Variants in RNF213 observed in about 807,000 individuals in gnomAD.
RNF213 encodes the protein E3 ubiquitin-protein ligase RNF213.
Under a neutral mutation model 514.4 loss-of-function variants are expected in RNF213, and 341 were observed. The ratio of observed to expected loss-of-function variants is 0.66; its 90% CI spans 0.61 to 0.73. RNF213 has a LOEUF of 0.73. RNF213 is among the 30% of genes least tolerant of loss of function. RNF213 has a pLI of 0.00. For missense variants in RNF213, 5,767 were observed against 6,615.6 expected (o/e 0.87, Z 4.45); for synonymous variants, 2,655 against 2,658.2 (o/e 1.00, Z 0.04).
chr17:80,332,982 A>G (rs1396645650), intron 21 of RNF213, among the ~76,000 whole-genome samples: 4 of 152,026 alleles, frequency 2.6e-5, no homozygotes, highest in African/African-American at 4.8e-5. Context: ...CGGCTGCCCA[A>G]CTGCATCTCC....
chr17:80,288,081 C>A lies in RNF213; in HGVS notation c.528C>A (p.Ala176=). 11 of 1,609,084 alleles carry A rather than the reference C, an allele frequency of 6.8e-6. No homozygotes were observed. Among genetic ancestry groups the A allele is most frequent in the Non-Finnish European group, 8.5e-6 (10 of 1,176,988 alleles). The change falls in exon 4 of 68, where the codon GCC becomes GCA. Residue 176 remains alanine (A), a synonymous_variant. Coordinates refer to ENST00000582970, the MANE Select transcript of RNF213 (RefSeq NM_001256071.3). The surrounding 1 kb of genome is among the most constrained non-coding windows in gnomAD (Gnocchi z 4.9). ...AGGTTGGCGACAGCCCCCTGCAGGC[C>A]CAGGCTTTGGGAGAGGCAGGAGTGG... ...PTEVGDSPLQ[A]QALGEAGVAT...
At chr17:80,275,199 AGTGGGGTGTGTGT>A (rs1301993626) in intron 3 of RNF213, among the ~76,000 whole-genome samples, 1 of 149,390 alleles carries the variant, frequency 6.7e-6, no homozygotes, top group African/African-American at 2.5e-5. Flanking sequence ...GGTGTGTGGG[AGTGGGGTGTGTGT>A]GTGCTTGTGT....
At chr17:80,319,056 G>T in intron 16 of RNF213, 134 bp from the exon 17 acceptor site, 9 of 1,591,150 alleles carry the variant, frequency 5.7e-6, no homozygotes, top group Non-Finnish European at 6.8e-6. Flanking sequence ...CTTTGCGTGG[G>T]CCAGGAGAAG....
rs2077982839 is a variant in RNF213, at chr17:80,336,161, G to A, written c.4310G>A (p.Gly1437Asp). The change falls in exon 23 of 68, where the codon GGC becomes GAC. Residue 1437 changes from glycine (G) to aspartate (D), a missense_variant and splice_region_variant. By Grantham distance (94) the Gly-to-Asp change is moderately conservative. Transcript: ENST00000582970. ...TGAACTCCCCTCTTCTCTTCCCCAG[G>A]CATCAATGAGCTGAAGGTGTTTGTG... The part of the protein sequence containing the change: ...FICWVREALG[G>D]INELKVFVDL... 1.3e-6 allele frequency: 2 copies of A among 1,536,768 alleles called. No homozygotes were observed. The highest frequency in any genetic ancestry group is 1.4e-5 in the African/African-American group (1 of 73,018).
intron 2 of RNF213, among the ~76,000 whole-genome samples, chr17:80,265,775 G>A (rs1288727384): frequency 6.6e-6 from 1 of 152,320 alleles, no homozygotes; most frequent in African/African-American, 2.4e-5. Flanking sequence ...TGCTGTTAAA[G>A]TGGGGGCACT....
intron 8 of RNF213, among the ~76,000 whole-genome samples, chr17:80,293,940 T>C (rs116639116): frequency 0.015 from 2,232 of 151,850 alleles, 47 homozygotes; most frequent in African/African-American, 0.051. Context: ...GGGCCCAGGG[T>C]GCAGAGCTGG....
In RNF213 at chr17:80,264,817, C is replaced by A. The variant is rs1318990953; in HGVS notation, c.97+1039C>A. On this transcript the variant is annotated intron_variant, in intron 2 of 67. Coordinates refer to ENST00000582970, the MANE Select transcript of RNF213 (RefSeq NM_001256071.3). The surrounding 1 kb of genome is among the most constrained non-coding windows in gnomAD (Gnocchi z 5.0). Reference sequence around the variant, plus strand: ...ACGAGGTCCTACATAGACGGCTGCCCACCCCATTCCTCTTGGCTCCCTCTC... The same window carrying A: ...ACGAGGTCCTACATAGACGGCTGCCAACCCCATTCCTCTTGGCTCCCTCTC... Among the ~76,000 whole-genome samples, 1 of 152,120 alleles carries A rather than the reference C, an allele frequency of 6.6e-6. No individual in the cohort carries two copies. The highest frequency in any genetic ancestry group is 2.4e-5 in the African/African-American group (1 of 41,438).
chr17:80,265,985 C>T (rs1216267476), intron 2 of RNF213, among the ~76,000 whole-genome samples: 2 of 152,078 alleles, frequency 1.3e-5, no homozygotes, highest in East Asian at 1.9e-4. Flanking sequence ...ATGGGAAGCC[C>T]ATGGCCAGGC....
At chr17:80,384,573 A>G (rs973565525) in intron 59 of RNF213, among the ~76,000 whole-genome samples, 2 of 152,192 alleles carry the variant, frequency 1.3e-5, no homozygotes, top group Admixed American at 6.5e-5. Context: ...GTTCACAATG[A>G]CAGGAAGGAC....
In RNF213 at chr17:80,343,769, C is replaced by T; in HGVS notation, c.6184-88C>T. 1 of 1,404,290 alleles carries T rather than the reference C, an allele frequency of 7.1e-7. No individual in the cohort carries two copies. Among genetic ancestry groups the T allele is most frequent in the Non-Finnish European group, 1.0e-6 (1 of 990,870 alleles). The allele number at this position is 1,404,290 out of a possible 1,614,324, so 87.0% of individuals were successfully genotyped here. A position where few individuals can be genotyped will look rare whatever the true frequency, so the allele number is the denominator to read the frequency against. On this transcript the variant is annotated intron_variant, in intron 27 of 67. Transcript: ENST00000582970. The surrounding 1 kb of genome is among the most constrained non-coding windows in gnomAD (Gnocchi z 4.3). ...ATGTTGATCATCAGGATCATCGTGACAAAGAGCAAAATAAGGAGGGGTTAC... is the reference window on the plus strand; with the variant it reads ...ATGTTGATCATCAGGATCATCGTGATAAAGAGCAAAATAAGGAGGGGTTAC...
chr17:80,339,673 T>TTG lies in RNF213; in HGVS notation c.5306_5307insTG (p.Leu1769PhefsTer11). 1.3e-6 allele frequency: 2 copies of TTG among 1,537,166 alleles called. No homozygotes were observed. Among genetic ancestry groups the TTG allele is most frequent in the Non-Finnish European group, 8.7e-7 (1 of 1,146,872 alleles). On this transcript the variant is annotated frameshift_variant, in exon 26 of 68. Transcript: ENST00000582970. LOFTEE classifies it high-confidence loss of function. ...ATGGAAGAGCTCCCGCTGATGCTCT[T>TTG]ATCAGAGTTCAGCCTGGTGGACAAG... is the stretch of plus-strand genomic sequence containing the variant.
chr17:80,381,828 C>A (rs2080018507), intron 57 of RNF213, 101 bp downstream of exon 57: 2 of 1,102,638 alleles, frequency 1.8e-6, no homozygotes, highest in South Asian at 1.3e-5. Flanking sequence ...CCAGTCTGAG[C>A]TCTGTCTGTG....
At chr17:80,352,120 T>C (rs572977296) in intron 32 of RNF213, 29 of 282,660 alleles carry the variant, frequency 1.0e-4, no homozygotes, top group African/African-American at 2.7e-4. Flanking sequence ...CCCAAAGTGC[T>C]GGGATTACAG....
At position 80,313,055 on chromosome 17, in the gene RNF213, A is replaced by C. The variant is rs768754019; in HGVS notation, c.2699A>C (p.Gln900Pro). ...QRDETGNNSVQTVFQGTLAAT... is the reference protein window; with the variant it reads ...QRDETGNNSVPTVFQGTLAAT... Reference sequence around the variant, plus strand: ...GATGAAACTGGAAATAATTCAGTCCAAACAGTCTTCCAAGGGACCCTTGCT... The same window carrying C: ...GATGAAACTGGAAATAATTCAGTCCCAACAGTCTTCCAAGGGACCCTTGCT... Residue 900 changes from glutamine (Q) to proline (P), a missense_variant, in exon 15 of 68, where the codon CAA becomes CCA. Gln to Pro is a moderately conservative substitution (Grantham distance 76). Coordinates refer to ENST00000582970, the MANE Select transcript of RNF213 (RefSeq NM_001256071.3). The C allele has an allele frequency of 6.2e-7, 1 of 1,614,090 alleles. No individual in the cohort carries two copies. Among genetic ancestry groups the C allele is most frequent in the Admixed American group, 1.7e-5 (1 of 60,026 alleles).
intron 17 of RNF213, among the ~76,000 whole-genome samples, chr17:80,322,093 A>G (rs1219752015): frequency 6.8e-6 from 1 of 147,860 alleles, no homozygotes; most frequent in East Asian, 2.0e-4. Flanking sequence ...TGCTTATTGG[A>G]TTTGTCTGTA....
At position 80,394,714 on chromosome 17, in the gene RNF213, C is replaced by A. The variant is rs73442756; in HGVS notation, c.*1216C>A. On this transcript the variant is annotated 3_prime_UTR_variant, in exon 68 of 68. Coordinates refer to ENST00000582970, the MANE Select transcript of RNF213 (RefSeq NM_001256071.3). Reference sequence around the variant, plus strand: ...AATGCTTGTCCAGGACTCAGCCATGCACACCTTGAGCAGCGCCGGCAGGAG... The same window carrying A: ...AATGCTTGTCCAGGACTCAGCCATGAACACCTTGAGCAGCGCCGGCAGGAG... 1 of 152,186 alleles carries A rather than the reference C, an allele frequency of 6.6e-6. No homozygotes were observed. 9.4% of individuals were successfully genotyped at this position (152,186 alleles called of 1,614,324 possible). A position where few individuals can be genotyped will look rare whatever the true frequency, so the allele number is the denominator to read the frequency against.
At chr17:80,273,501 T>C (rs1461492041) in intron 3 of RNF213, 97 bp downstream of exon 3, 1 of 1,500,042 alleles carries the variant, frequency 6.7e-7, no homozygotes, top group Non-Finnish European at 9.1e-7. Context: ...AATGCCACCA[T>C]GGCCCAGCCC....
intron 3 of RNF213, among the ~76,000 whole-genome samples, chr17:80,285,524 G>A (rs1029933969): frequency 6.6e-6 from 1 of 152,216 alleles, no homozygotes. Flanking sequence ...GCACCTGCCT[G>A]TTTCTTGACG....
Position 80,336,385 on chromosome 17 carries a change from C to A in RNF213, c.4527+7C>A. 6.5e-7 allele frequency: 1 copy of A among 1,536,494 alleles called. No individual in the cohort carries two copies. The highest frequency in any genetic ancestry group is 1.2e-5 in the South Asian group (1 of 84,004). ...GTACCTGCCCAGGAAACTGGTGAGT[C>A]TTATTCTGTCTCTAATGCAGATTTT... On this transcript the variant is annotated splice_region_variant and intron_variant, in intron 23 of 67. Coordinates refer to ENST00000582970, the MANE Select transcript of RNF213 (RefSeq NM_001256071.3).
Sources: allele counts gnomAD v4.1 joint callset (sites outside exome capture counted in the v4.1 genomes callset), GRCh38; gene constraint gnomAD v4.1.1; non-coding constraint Gnocchi (gnomAD v3.1); transcripts MANE v1.5; gene names NCBI Gene and HGNC (gene_info 2026-07-23, HGNC 2026-07-21).